Variants in COL5A1 observed in about 807,000 individuals in gnomAD.
The protein encoded by COL5A1 is collagen alpha-1(V) chain.
In COL5A1, 16 loss-of-function variants were observed where a neutral mutation model predicts 263.7. The ratio of observed to expected loss-of-function variants is 0.06; its 90% CI spans 0.04 to 0.09. The LOEUF is 0.09. Among genes scored for constraint, COL5A1 ranks in the 10% least tolerant of loss-of-function variants. The probability of loss-of-function intolerance (pLI) is 1.00; values close to 1 mark genes in which losing one functional copy is unlikely to be tolerated. For synonymous variants in COL5A1, 1,012 were observed against 1,004.5 expected, an observed-to-expected ratio of 1.01 and a Z score of -0.14; for missense variants, 2,036 against 2,540.5, an observed-to-expected ratio of 0.80 and a Z score of 4.27.
chr9:134,660,577 A>G (rs1464131107), intron 1 of COL5A1, among the ~76,000 whole-genome samples: 4 of 152,228 alleles, frequency 2.6e-5, no homozygotes, highest in Admixed American at 2.6e-4. Context: ...GCTAGAGACC[A>G]GTGGTGGGAG....
In COL5A1 at chr9:134,814,817, A is replaced by G; in HGVS notation, c.3927A>G (p.Gly1309=). The G allele has an allele frequency of 1.3e-6, 2 of 1,552,110 alleles. No individual in the cohort carries two copies. The highest frequency in any genetic ancestry group is 1.7e-6 in the Non-Finnish European group (2 of 1,147,306). The change falls in exon 50 of 66, where the codon GGA becomes GGG. Residue 1309 remains glycine, a synonymous_variant. Transcript: ENST00000371817. ...GGPPGPKGER[G]EKGESGPSGA... ...TCCAGGGACCCAAAGGAGAAAGGGG[A>G]GAGAAGGGCGAGTCAGGCCCTTCAG...
intron 4 of COL5A1, among the ~76,000 whole-genome samples, chr9:134,712,349 C>T (rs1834091710): frequency 1.3e-5 from 1 of 74,370 alleles, no homozygotes; most frequent in Admixed American, 1.3e-4. Flanking sequence ...TGCCCCTCTT[C>T]TTCCTGTCCC....
At chr9:134,683,889 AG>A (rs1317856153) in intron 1 of COL5A1, among the ~76,000 whole-genome samples, 4 of 152,224 alleles carry the variant, frequency 2.6e-5, no homozygotes, top group Non-Finnish European at 5.9e-5. Flanking sequence ...CTCTGAGGTC[AG>A]CACTTGGCAG....
chr9:134,669,459 C>A (rs1832473772), intron 1 of COL5A1, among the ~76,000 whole-genome samples: 1 of 151,966 alleles, frequency 6.6e-6, no homozygotes, highest in Admixed American at 6.6e-5. Flanking sequence ...CCTCCTCTAC[C>A]ATAGCGATTG....
intron 27 of COL5A1, 43 bp from the exon 28 acceptor site, chr9:134,780,059 G>A (rs756190570): frequency 3.7e-6 from 6 of 1,611,444 alleles, no homozygotes; most frequent in Admixed American, 1.7e-5. Flanking sequence ...GAAAGGCTGA[G>A]ACTTGTAACC....
chr9:134,648,612 T>C, intron 1 of COL5A1, among the ~76,000 whole-genome samples: 1 of 152,180 alleles, frequency 6.6e-6, no homozygotes. Context: ...ATTACTCATA[T>C]AAAGCACAGA....
In COL5A1 at chr9:134,844,092, G is replaced by A. The variant is rs1481006517; in HGVS notation, c.*1789G>A. The A allele has an allele frequency of 6.6e-6, 1 of 152,430 alleles. No homozygotes were observed. The highest frequency in any genetic ancestry group is 2.4e-5 in the African/African-American group (1 of 41,444). The allele number at this position is 152,430 out of a possible 1,614,324, so 9.4% of individuals were successfully genotyped here. On this transcript the variant is annotated 3_prime_UTR_variant, in exon 66 of 66. Transcript: ENST00000371817. ...CTGGGCCCTTGGGGTGAGCCTGCGG[G>A]GCTCTGGTGCTGTCCCCGACCCCCA...
At position 134,728,778 on chromosome 9, in the gene COL5A1, G is replaced by T. The variant is rs1373897621; in HGVS notation, c.895G>T (p.Ala299Ser). ...EPTPSKKPVE[A>S]AKETTEVPEE... The stretch of plus-strand genomic sequence containing the variant: ...CACCCCCAGCAAGAAGCCCGTGGAA[G>T]CTGCCAAAGAAACCACAGAGGTCCC... Residue 299 changes from alanine to serine, a missense_variant, in exon 6 of 66, where the codon GCT (alanine) becomes TCT (serine). By Grantham distance (99) the Ala-to-Ser change is moderately conservative (BLOSUM62 1). Transcript: ENST00000371817. The T allele has an allele frequency of 1.2e-6, 2 of 1,614,098 alleles. No homozygotes were observed. Among genetic ancestry groups the T allele is most frequent in the East Asian group, 4.5e-5 (2 of 44,880 alleles).
rs10115773 is a variant in COL5A1, at chr9:134,740,360, G to A, written c.1494+1552G>A. Among the ~76,000 whole-genome samples, 1,158 of 152,314 alleles carry A rather than the reference G, an allele frequency of 7.6e-3. 13 individuals are homozygous for A. The highest frequency in any genetic ancestry group is 0.027 in the Middle Eastern group (8 of 294). The stretch of plus-strand genomic sequence containing the variant: ...TCTGGAGACCCCTTCCCCCAGATTC[G>A]CGTGAGATGGGGCAACGGCCAAGCT... On this transcript the variant is annotated intron_variant, in intron 11 of 65. Transcript: ENST00000371817.
Position 134,795,322 on chromosome 9 carries a change from T to G in COL5A1, c.2799+7T>G, listed in dbSNP as rs772915619. On this transcript the variant is annotated splice_region_variant and intron_variant, in intron 34 of 65. Transcript: ENST00000371817. ...TGGGAAGCCTGGCCCCAAGGTATGT[T>G]TTTGGCCTCCTGGGCGGTGGGCGGC... 2 of 1,613,316 alleles carry G rather than the reference T, an allele frequency of 1.2e-6. No homozygotes were observed. The highest frequency in any genetic ancestry group is 3.3e-5 in the Admixed American group (2 of 59,976).
chr9:134,746,144 G>C (rs1047888665), intron 11 of COL5A1, among the ~76,000 whole-genome samples: 1 of 152,202 alleles, frequency 6.6e-6, no homozygotes, highest in South Asian at 2.1e-4. Flanking sequence ...ATGCACGTAC[G>C]TGTTCTGCAC....
chr9:134,690,399 G>A (rs1224091101), intron 1 of COL5A1, among the ~76,000 whole-genome samples: 1 of 152,224 alleles, frequency 6.6e-6, no homozygotes, highest in African/African-American at 2.4e-5. Context: ...CAGGGCAGAT[G>A]TTGTGACCCA....
chr9:134,812,863 C>T, intron 48 of COL5A1, 151 bp downstream of exon 48: 4 of 705,030 alleles, frequency 5.7e-6, no homozygotes, highest in Non-Finnish European at 1.0e-5. Context: ...TGTGTGTACA[C>T]AGAGATGAGA....
At chr9:134,797,263 C>G (rs537881766) in intron 36 of COL5A1, among the ~76,000 whole-genome samples, 6 of 152,356 alleles carry the variant, frequency 3.9e-5, no homozygotes, top group Admixed American at 2.6e-4. Flanking sequence ...GGGTGTGGCT[C>G]TTCTGTCACA....
chr9:134,819,171 A>AGGCT (rs1264079272), intron 57 of COL5A1, 118 bp downstream of exon 57: 4 of 1,118,708 alleles, frequency 3.6e-6, no homozygotes, highest in Non-Finnish European at 5.4e-6. Context: ...CACCTGCTGC[A>AGGCT]GGCTGGTGGT....
chr9:134,783,628 G>A (rs537334992), intron 29 of COL5A1, among the ~76,000 whole-genome samples: 2 of 152,288 alleles, frequency 1.3e-5, no homozygotes, highest in East Asian at 1.9e-4. Context: ...CCCAGCTGCC[G>A]CAGTCATCCC....
chr9:134,712,421 A>G (rs1407337940), intron 4 of COL5A1, among the ~76,000 whole-genome samples: 1 of 58,026 alleles, frequency 1.7e-5, no homozygotes, highest in African/African-American at 7.3e-5. Context: ...TTCCTTCCCT[A>G]CTCCTTCCTG....
intron 44 of COL5A1, 66 bp downstream of exon 44, chr9:134,810,374 G>A (rs764854540): frequency 2.6e-5 from 39 of 1,484,102 alleles, no homozygotes; most frequent in Non-Finnish European, 2.3e-5. Flanking sequence ...CAGGCTGTAG[G>A]CCGTGTGCCA....
At chr9:134,806,806 TG>T (rs1207363629) in intron 42 of COL5A1, among the ~76,000 whole-genome samples, 1 of 151,878 alleles carries the variant, frequency 6.6e-6, no homozygotes, top group African/African-American at 2.4e-5. Context: ...GGGGGGCAGG[TG>T]TAGAGAGCAG....
Sources: allele counts gnomAD v4.1 joint callset (sites outside exome capture counted in the v4.1 genomes callset), GRCh38; gene constraint gnomAD v4.1.1; transcripts MANE v1.5; gene names NCBI Gene and HGNC (gene_info 2026-07-23, HGNC 2026-07-21).